Variants in DDX24 observed in about 807,000 individuals in gnomAD.
DDX24 encodes DEAD-box helicase 24, also known as ATP-dependent RNA helicase DDX24.
A neutral mutation model predicts 68.9 loss-of-function variants in DDX24; 24 were observed. The observed-to-expected ratio is 0.35, with a 90% CI of 0.25 to 0.49. The LOEUF (loss-of-function observed/expected upper bound fraction) is 0.49. DDX24 is among the 20% of genes least tolerant of loss of function. The probability of loss-of-function intolerance (pLI) is 0.99; values close to 1 mark genes in which losing one functional copy is unlikely to be tolerated. For synonymous variants in DDX24, 395 were observed against 385.2 expected (o/e 1.03, Z -0.30); for missense variants, 989 against 1,039.0 (o/e 0.95, Z 0.66).
intron 2 of DDX24, among the ~76,000 whole-genome samples, chr14:94,065,257 T>A (rs1336269628): frequency 6.6e-6 from 1 of 152,084 alleles, no homozygotes; most frequent in Non-Finnish European, 1.5e-5. Context: ...TTTCACCATG[T>A]TGGCCAGGAT....
chr14:94,074,820 G>T (rs1168068120), intron 2 of DDX24, among the ~76,000 whole-genome samples: 2 of 152,164 alleles, frequency 1.3e-5, no homozygotes, highest in African/African-American at 4.8e-5. Context: ...GAACTAAGTT[G>T]CAGGACACAA....
At chr14:94,063,265 A>G (rs34792330) in intron 2 of DDX24, among the ~76,000 whole-genome samples, 12,076 of 152,314 alleles carry the variant, frequency 0.079, 507 homozygotes, top group Middle Eastern at 0.19. Flanking sequence ...GTAAAAAATA[A>G]CCACACACAC....
intron 7 of DDX24, 145 bp from the exon 8 acceptor site, chr14:94,053,272 C>T: frequency 9.7e-7 from 1 of 1,028,552 alleles, no homozygotes; most frequent in South Asian, 1.7e-5. Flanking sequence ...TCATGGCTCA[C>T]TGCAGCCTCA....
Position 94,065,222 on chromosome 14 carries a change from A to AT in DDX24, c.719-2602dup, listed in dbSNP as rs368446745. Among the ~76,000 whole-genome samples the AT allele has an allele frequency of 9.3e-3, 1,361 of 146,612 alleles. 20 individuals carry two copies. Among genetic ancestry groups the AT allele is most frequent in the African/African-American group, 0.032 (1,291 of 40,122 alleles). Reference sequence around the variant, plus strand: ...TGCCACCACACCCAAGTAACTTTTGATTTTTTTTTTTAGTAGAGATGCAGT... The same window carrying AT: ...TGCCACCACACCCAAGTAACTTTTGATTTTTTTTTTTTAGTAGAGATGCAGT... On this transcript the variant is annotated intron_variant, in intron 2 of 8. Coordinates refer to ENST00000621632, the MANE Select transcript of DDX24 (RefSeq NM_020414.4).
In DDX24 at chr14:94,062,110, C is replaced by T. The variant is rs1326068489; in HGVS notation, c.1230G>A (p.Val410=). ...AVQVKQHIDA[V]ARFTGIKTAI... is the part of the protein sequence containing the mutation. Reference sequence around the variant, plus strand: ...ACTAAACCTCACCTGTAAACCTGGCCACAGCATCAATGTGCTGTTTGACCT... The same window carrying T: ...ACTAAACCTCACCTGTAAACCTGGCTACAGCATCAATGTGCTGTTTGACCT... The change falls in exon 3 of 9, where the codon GTG becomes GTA. Residue 410 remains valine (V), a synonymous_variant. Transcript: ENST00000621632. The T allele has an allele frequency of 1.2e-6, 2 of 1,609,442 alleles. No individual in the cohort carries two copies. Among genetic ancestry groups the T allele is most frequent in the South Asian group, 2.2e-5 (2 of 90,784 alleles).
intron 2 of DDX24, among the ~76,000 whole-genome samples, chr14:94,063,699 C>T (rs544625766): frequency 2.6e-4 from 39 of 152,204 alleles, no homozygotes; most frequent in Admixed American, 7.2e-4. Flanking sequence ...GAGGTCTAGG[C>T]GGGAGGATCA....
At chr14:94,067,094 T>C (rs1010045312) in intron 2 of DDX24, among the ~76,000 whole-genome samples, 8 of 151,986 alleles carry the variant, frequency 5.3e-5, no homozygotes, top group Admixed American at 2.0e-4. Context: ...CAAAAAATGA[T>C]ACAAGAAGTG....
In DDX24 at chr14:94,060,108, G is replaced by A. The variant is rs1407618408; in HGVS notation, c.1903C>T (p.Arg635Cys). Residue 635 changes from arginine (R) to cysteine (C), a missense_variant, in exon 5 of 9, where the codon CGT (arginine) becomes TGT (cysteine). This residue lies in a region of DDX24 where 691 missense variants were observed against 760.0 expected (regional missense o/e 0.91). Coordinates refer to ENST00000621632, the MANE Select transcript of DDX24 (RefSeq NM_020414.4). Reference protein sequence around the residue: ...QRLRNLEQFARLEDCVLLATD... With the variant: ...QRLRNLEQFACLEDCVLLATD... ...ACAGTCCTAACTTACTCTTCCAGAC[G>A]GGCAAACTGCTCCAGGTTTCTGAGC... is the stretch of plus-strand genomic sequence containing the variant. The A allele has an allele frequency of 1.2e-5, 19 of 1,611,814 alleles. No individual in the cohort carries two copies. The highest frequency in any genetic ancestry group is 3.3e-5 in the Admixed American group (2 of 59,910).
intron 2 of DDX24, among the ~76,000 whole-genome samples, chr14:94,069,136 AG>A (rs1399685513): frequency 6.6e-6 from 1 of 152,194 alleles, no homozygotes; most frequent in Non-Finnish European, 1.5e-5. Flanking sequence ...AACCAAGAAA[AG>A]AAGAGAGAAA....
At chr14:94,080,213 A>G (rs1886040505) in intron 1 of DDX24, among the ~76,000 whole-genome samples, 1 of 152,180 alleles carries the variant, frequency 6.6e-6, no homozygotes, top group Non-Finnish European at 1.5e-5. Flanking sequence ...TGGGGGCAGG[A>G]GGGGTGAGCT....
At chr14:94,060,755 A>G (rs1885580003) in intron 4 of DDX24, 142 bp from the exon 5 acceptor site, 2 of 1,452,682 alleles carry the variant, frequency 1.4e-6, no homozygotes, top group African/African-American at 2.8e-5. Context: ...GCCCTCAACT[A>G]ATCTCCCTCA....
chr14:94,058,858 T>C (rs990695244), intron 5 of DDX24, among the ~76,000 whole-genome samples: 1 of 152,238 alleles, frequency 6.6e-6, no homozygotes, highest in Non-Finnish European at 1.5e-5. Flanking sequence ...ACAGTCTCTA[T>C]GGCAACTATT....
At position 94,074,864 on chromosome 14, in the gene DDX24, T is replaced by C. The variant is rs907061074; in HGVS notation, c.718+4161A>G. Among the ~76,000 whole-genome samples the C allele has an allele frequency of 2.0e-5, 3 of 152,150 alleles. No individual in the cohort carries two copies. The South Asian group carries it at 6.2e-4, about 32-fold the overall frequency. On this transcript the variant is annotated intron_variant, in intron 2 of 8. Coordinates refer to ENST00000621632, the MANE Select transcript of DDX24 (RefSeq NM_020414.4). ...TACAAAAATCCATCATATTTCTACTTATTGGCGACAAACAATCGGAAATAA... is the reference window on the plus strand; with the variant it reads ...TACAAAAATCCATCATATTTCTACTCATTGGCGACAAACAATCGGAAATAA...
At chr14:94,053,651 C>T (rs1885437975) in intron 7 of DDX24, among the ~76,000 whole-genome samples, 1 of 151,894 alleles carries the variant, frequency 6.6e-6, no homozygotes, top group South Asian at 2.1e-4. Flanking sequence ...CCCGTCTCTA[C>T]TAAAAATACA....
In DDX24 at chr14:94,062,154, T is replaced by A; in HGVS notation, c.1186A>T (p.Thr396Ser). The change falls in exon 3 of 9, where the codon ACT becomes TCT. Residue 396 changes from threonine to serine, a missense_variant. By Grantham distance (58) the Thr-to-Ser change is moderately conservative (BLOSUM62 1). Coordinates refer to ENST00000621632, the MANE Select transcript of DDX24 (RefSeq NM_020414.4). ...RPLLGLVLTPTRELAVQVKQH... is the reference protein window; with the variant it reads ...RPLLGLVLTPSRELAVQVKQH... ...TTGACCTGGACGGCCAGCTCTCGAGTGGGAGTCAGAACCAGTCCAAGCAGA... is the reference window on the plus strand; with the variant it reads ...TTGACCTGGACGGCCAGCTCTCGAGAGGGAGTCAGAACCAGTCCAAGCAGA... 4 of 1,613,746 alleles carry A rather than the reference T, an allele frequency of 2.5e-6. No homozygotes were observed. Among genetic ancestry groups the A allele is most frequent in the Non-Finnish European group, 3.4e-6 (4 of 1,179,928 alleles).
rs574083198 is a variant in DDX24, at chr14:94,062,806, C to T, written c.719-185G>A. On this transcript the variant is annotated intron_variant, in intron 2 of 8. Transcript: ENST00000621632. ...CAGAAGGCACATGTAAATTAGAACC[C>T]GAGGAAAAGTATGGCAGGCTAGCAC... Among the ~76,000 whole-genome samples the T allele has an allele frequency of 6.6e-5, 10 of 152,156 alleles. No individual in the cohort carries two copies. The South Asian group carries it at 2.1e-3, about 32-fold the overall frequency.
chr14:94,077,285 G>A (rs1233851588), intron 2 of DDX24, among the ~76,000 whole-genome samples: 1 of 152,210 alleles, frequency 6.6e-6, no homozygotes, highest in Non-Finnish European at 1.5e-5. Flanking sequence ...GCCCCAGATG[G>A]ATGACTTATC....
rs1036509406 is a variant in DDX24 at position 94,049,267 on chromosome 14, G to C, written c.*1924C>G. ...CAAGTGGCTTCACTCCCACGGCTCA[G>C]GTGCCATTAGGGGATATTAAGCCCG... On this transcript the variant is annotated 3_prime_UTR_variant, in exon 9 of 9. Coordinates refer to ENST00000621632, the MANE Select transcript of DDX24 (RefSeq NM_020414.4). 6.6e-6 allele frequency: 1 copy of C among 152,242 alleles called. No individual in the cohort carries two copies. Among genetic ancestry groups the C allele is most frequent in the Non-Finnish European group, 1.5e-5 (1 of 68,056 alleles). 9.4% of individuals were successfully genotyped at this position (152,242 alleles called of 1,614,324 possible).
intron 2 of DDX24, among the ~76,000 whole-genome samples, chr14:94,064,820 T>A (rs1302157641): frequency 6.6e-6 from 1 of 152,226 alleles, no homozygotes; most frequent in East Asian, 1.9e-4. Context: ...AATACCCAAT[T>A]TGTAGCCAAG....
Sources: gnomAD v4.1 joint callset for allele counts (sites outside exome capture counted in the v4.1 genomes callset) on GRCh38, gnomAD v4.1.1 for gene constraint, gnomAD v4.1.1 regional missense constraint, MANE v1.5 for transcripts, NCBI Gene and HGNC (gene_info 2026-07-23, HGNC 2026-07-21) for gene names.